POGZ: variants seen among roughly 807,000 people sequenced by gnomAD.
The protein encoded by POGZ is pogo transposable element with ZNF domain.
A neutral mutation model predicts 134.6 loss-of-function variants in POGZ; 17 were observed. The ratio of observed to expected loss-of-function variants is 0.13; its 90% CI spans 0.09 to 0.19. The LOEUF (loss-of-function observed/expected upper bound fraction) is 0.19, where lower values mean the gene tolerates loss of function less well. Among genes scored for constraint, POGZ ranks in the 10% least tolerant of loss-of-function variants. The probability of loss-of-function intolerance (pLI) is 1.00; values close to 1 mark genes in which losing one functional copy is unlikely to be tolerated. For missense variants in POGZ, 1,306 were observed against 1,769.7 expected, an observed-to-expected ratio of 0.74 and a Z score of 4.70; for synonymous variants, 693 against 657.1, an observed-to-expected ratio of 1.05 and a Z score of -0.84.
Position 151,405,152 on chromosome 1 carries a change from C to G in POGZ, c.3883G>C (p.Asp1295His). The G allele has an allele frequency of 6.2e-7, 1 of 1,614,228 alleles. No homozygotes were observed. Among genetic ancestry groups the G allele is most frequent in the Non-Finnish European group, 8.5e-7 (1 of 1,180,040 alleles). The part of the protein sequence containing the change: ...REMADTACDS[D>H]VLLQLVLVWL... The stretch of plus-strand genomic sequence containing the variant: ...ACAAGCACCAGCTGAAGCAGGACAT[C>G]AGAATCACATGCAGTATCTGCCATT... Residue 1295 changes from aspartate (D) to histidine (H), a missense_variant, in exon 19 of 19, where the codon GAT becomes CAT. By Grantham distance (81) the Asp-to-His change is moderately conservative. Around this residue, in one of 10 missense-constraint regions of POGZ, gnomAD observed 67 missense variants for 105.8 expected, o/e 0.63. Coordinates refer to ENST00000271715, the MANE Select transcript of POGZ (RefSeq NM_015100.4). This position sits in a 1 kb window ranked among gnomAD's most constrained non-coding sequence, Gnocchi z 4.9.
chr1:151,429,825 C>A, intron 4 of POGZ, 114 bp from the exon 5 acceptor site: 1 of 511,880 alleles, frequency 2.0e-6, no homozygotes, highest in South Asian at 3.2e-5. Flanking sequence ...ATGGTTCTTT[C>A]TCTAGAATTA....
At chr1:151,449,876 G>C (rs1442385048) in intron 1 of POGZ, among the ~76,000 whole-genome samples, 3 of 152,184 alleles carry the variant, frequency 2.0e-5, no homozygotes, top group Non-Finnish European at 2.9e-5. Context: ...GACAGTGCGA[G>C]ACTCCGTCTC....
At chr1:151,445,214 C>T (rs190504933) in intron 1 of POGZ, among the ~76,000 whole-genome samples, 1 of 152,032 alleles carries the variant, frequency 6.6e-6, no homozygotes, top group African/African-American at 2.4e-5. Context: ...AATTAAAAGA[C>T]TCAAAATGAA....
intron 12 of POGZ, among the ~76,000 whole-genome samples, chr1:151,410,643 C>T (rs113574317): frequency 1.4e-4 from 22 of 152,302 alleles, no homozygotes; most frequent in African/African-American, 4.3e-4. Flanking sequence ...ATTTATATAA[C>T]GCTGATTCCT....
At chr1:151,409,335 A>G (rs745331093) in intron 12 of POGZ, among the ~76,000 whole-genome samples, 7 of 152,188 alleles carry the variant, frequency 4.6e-5, no homozygotes, top group Non-Finnish European at 8.8e-5. Flanking sequence ...GTCTACACAT[A>G]TAACTGTATC....
chr1:151,420,398 C>T (rs973476258), intron 10 of POGZ, among the ~76,000 whole-genome samples: 1 of 152,106 alleles, frequency 6.6e-6, no homozygotes, highest in African/African-American at 2.4e-5. Context: ...TTCACTCTAG[C>T]CTTGACCTAC....
At chr1:151,407,209 G>T in intron 16 of POGZ, 26 bp downstream of exon 16, 1 of 1,528,348 alleles carries the variant, frequency 6.5e-7, no homozygotes, top group African/African-American at 1.4e-5. Flanking sequence ...GAAAAATTAA[G>T]ATGCTGCCAA....
chr1:151,417,307 C>T (rs1655919853), intron 10 of POGZ, among the ~76,000 whole-genome samples: 1 of 150,936 alleles, frequency 6.6e-6, no homozygotes, highest in African/African-American at 2.4e-5. Context: ...CGTGATCCAC[C>T]CGCCTCGGCC....
Position 151,405,215 on chromosome 1 carries a change from T to G in POGZ, c.3820A>C (p.Asn1274His). Residue 1274 changes from asparagine to histidine, a missense_variant, in exon 19 of 19, where the codon AAC becomes CAC. Asn to His is a moderately conservative substitution (Grantham distance 68). This residue lies in a region of POGZ where 67 missense variants were observed against 105.8 expected (regional missense o/e 0.63). Transcript: ENST00000271715. The surrounding 1 kb of genome is among the most constrained non-coding windows in gnomAD (Gnocchi z 4.9). The stretch of plus-strand genomic sequence containing the variant: ...TCCTTCCATTTTTTATGCAGGAAGT[T>G]CTTGACAGTTCTTTTGATGCATACA... ...LDVCIKRTVK[N>H]FLHKKWKEQA... The G allele has an allele frequency of 6.2e-7, 1 of 1,614,188 alleles. No individual in the cohort carries two copies. The highest frequency in any genetic ancestry group is 8.5e-7 in the Non-Finnish European group (1 of 1,179,990).
At position 151,442,107 on chromosome 1, in the gene POGZ, T is replaced by C; in HGVS notation, c.98A>G (p.Tyr33Cys). ...DVIEDSVVED[Y>C]NSVDKTTTVS... ...TGTGGTAGTTTTATCCACTGAATTA[T>C]AATCTTCAACTACAGAGTCCTCAAT... The change falls in exon 2 of 19, where the codon TAT (tyrosine) becomes TGT (cysteine). Residue 33 changes from tyrosine to cysteine, a missense_variant. Coordinates refer to ENST00000271715, the MANE Select transcript of POGZ (RefSeq NM_015100.4). 7 of 1,604,596 alleles carry C rather than the reference T, an allele frequency of 4.4e-6. No homozygotes were observed. Among genetic ancestry groups the C allele is most frequent in the Non-Finnish European group, 6.0e-6 (7 of 1,171,382 alleles).
chr1:151,459,103 C>A (rs1463878230), intron 1 of POGZ, 49 bp downstream of exon 1: 1 of 149,896 alleles, frequency 6.7e-6, no homozygotes, highest in African/African-American at 2.4e-5. Context: ...GATAACGGAA[C>A]CCCCGGGAGC....
intron 10 of POGZ, among the ~76,000 whole-genome samples, chr1:151,413,854 T>C (rs1302719003): frequency 3.3e-5 from 5 of 152,140 alleles, no homozygotes; most frequent in African/African-American, 7.2e-5. Flanking sequence ...CAAGTAATTT[T>C]TTAAAGTAAA....
chr1:151,447,750 A>T (rs770394357), intron 1 of POGZ, among the ~76,000 whole-genome samples: 9 of 149,154 alleles, frequency 6.0e-5, no homozygotes, highest in Non-Finnish European at 1.3e-4. Flanking sequence ...TCAGATTCCC[A>T]AAGTGCTGGG....
chr1:151,457,961 T>C (rs796137133), intron 1 of POGZ, among the ~76,000 whole-genome samples: 1 of 149,216 alleles, frequency 6.7e-6, no homozygotes, highest in African/African-American at 2.5e-5. Flanking sequence ...CCCATTTCTG[T>C]GGAGTTTTGA....
intron 3 of POGZ, among the ~76,000 whole-genome samples, chr1:151,436,608 T>C (rs1659633508): frequency 2.0e-5 from 3 of 152,344 alleles, no homozygotes; most frequent in Admixed American, 1.3e-4. Context: ...CACACCTGGC[T>C]AATTTTGTAT....
Position 151,424,296 on chromosome 1 carries a change from A to C in POGZ, c.1186-10T>G. On this transcript the variant is annotated splice_polypyrimidine_tract_variant and intron_variant, in intron 8 of 18. Coordinates refer to ENST00000271715, the MANE Select transcript of POGZ (RefSeq NM_015100.4). ...TTTCTGGGCAACAGTACTATAAAGA[A>C]AGACATCTGATCATTCTGGTTATCC... 2 of 1,501,228 alleles carry C rather than the reference A, an allele frequency of 1.3e-6. No homozygotes were observed. Among genetic ancestry groups the C allele is most frequent in the Non-Finnish European group, 1.8e-6 (2 of 1,102,312 alleles). The allele number at this position is 1,501,228 out of a possible 1,614,324, so 93.0% of individuals were successfully genotyped here. A position where few individuals can be genotyped will look rare whatever the true frequency, so the allele number is the denominator to read the frequency against.
chr1:151,428,346 C>T lies in POGZ; in HGVS notation c.636G>A (p.Val212=). The T allele has an allele frequency of 6.2e-7, 1 of 1,614,014 alleles. No individual in the cohort carries two copies. Among genetic ancestry groups the T allele is most frequent in the Non-Finnish European group, 8.5e-7 (1 of 1,179,922 alleles). The part of the protein sequence containing the change: ...VPQVFSQMTP[V]RPGSTMPVRP... Reference sequence around the variant, plus strand: ...TCACAGGCATTGTGGAGCCTGGCCTCACAGGGGTCATCTGGGAGAACACTT... The same window carrying T: ...TCACAGGCATTGTGGAGCCTGGCCTTACAGGGGTCATCTGGGAGAACACTT... Residue 212 remains valine (V), a synonymous_variant, in exon 6 of 19, where the codon GTG becomes GTA. Coordinates refer to ENST00000271715, the MANE Select transcript of POGZ (RefSeq NM_015100.4).
At chr1:151,411,020 T>TA (rs1411601506) in intron 12 of POGZ, among the ~76,000 whole-genome samples, 2 of 152,252 alleles carry the variant, frequency 1.3e-5, no homozygotes, top group Non-Finnish European at 1.5e-5. Context: ...CTAGTTTCCC[T>TA]AACTGTAGTC....
intron 7 of POGZ, chr1:151,426,821 G>C (rs1279846379): frequency 2.6e-5 from 4 of 152,036 alleles, no homozygotes; most frequent in Admixed American, 2.6e-4. Context: ...TTAGGTCTTT[G>C]ATCCATTTTG....
Sources: gnomAD v4.1 joint callset for allele counts (sites outside exome capture counted in the v4.1 genomes callset) on GRCh38, gnomAD v4.1.1 for gene constraint, gnomAD v4.1.1 regional missense constraint, Gnocchi (gnomAD v3.1) non-coding constraint, MANE v1.5 for transcripts, NCBI Gene and HGNC (gene_info 2026-07-23, HGNC 2026-07-21) for gene names.